Variants in MTMR7 observed in about 807,000 individuals in gnomAD.
MTMR7 encodes myotubularin related protein 7.
A neutral mutation model predicts 81.2 loss-of-function variants in MTMR7; 76 were observed. The ratio of observed to expected loss-of-function variants is 0.94; its 90% confidence interval spans 0.78 to 1.13. The LOEUF is 1.13. MTMR7 is among the 50% of genes most tolerant of loss of function. The pLI, the probability that MTMR7 is intolerant of heterozygous loss-of-function variation, is 0.00. For synonymous variants in MTMR7, 372 were observed against 289.8 expected, an observed-to-expected ratio of 1.28 and a Z score of -2.88; for missense variants, 1,044 against 820.0, an observed-to-expected ratio of 1.27 and a Z score of -3.34.
intron 1 of MTMR7, among the ~76,000 whole-genome samples, chr8:17,385,330 T>A (rs977407490): frequency 6.6e-6 from 1 of 152,082 alleles, no homozygotes; most frequent in African/African-American, 2.4e-5. Flanking sequence ...TCATCTTCAA[T>A]TGTAGCTCTC....
intron 4 of MTMR7, among the ~76,000 whole-genome samples, chr8:17,351,444 G>A (rs1463229042): frequency 6.6e-6 from 1 of 152,174 alleles, no homozygotes; most frequent in Non-Finnish European, 1.5e-5. Flanking sequence ...ACTCTCCTTG[G>A]CCCCAACTCA....
intron 10 of MTMR7, among the ~76,000 whole-genome samples, chr8:17,307,117 A>G (rs1462773602): frequency 6.6e-6 from 1 of 152,206 alleles, no homozygotes; most frequent in Non-Finnish European, 1.5e-5. Context: ...ACAAAATGGG[A>G]GAAAATTTTT....
rs1048424962 is a variant in MTMR7, at chr8:17,413,335, C to T, written c.-43G>A. The T allele has an allele frequency of 1.3e-6, 2 of 1,509,894 alleles. No homozygotes were observed. The highest frequency in any genetic ancestry group is 1.8e-6 in the Non-Finnish European group (2 of 1,128,936). The allele number at this position is 1,509,894 out of a possible 1,614,324, so 93.5% of individuals were successfully genotyped here. ...AGGGTCCCGGGCGGGCGCGGCCTCA[C>T]GCACCTGCGCGCCTCTGCGGCGCGA... On this transcript the variant is annotated 5_prime_UTR_variant, in exon 1 of 14. In the 5' UTR this introduces an upstream ATG that the reference lacks. Transcript: ENST00000180173.
At chr8:17,325,389 G>C (rs1460242125) in intron 7 of MTMR7, among the ~76,000 whole-genome samples, 1 of 152,206 alleles carries the variant, frequency 6.6e-6, no homozygotes, top group Non-Finnish European at 1.5e-5. Flanking sequence ...TGGAAGAACA[G>C]ATCGGGTATC....
intron 10 of MTMR7, 83 bp from the exon 11 acceptor site, chr8:17,306,040 G>A (rs1817432598): frequency 1.7e-5 from 18 of 1,078,014 alleles, no homozygotes; most frequent in South Asian, 9.4e-5. Flanking sequence ...AACCATAAAA[G>A]CAACCCTAGT....
chr8:17,310,449 A>T (rs988401531), intron 9 of MTMR7, among the ~76,000 whole-genome samples: 1 of 152,172 alleles, frequency 6.6e-6, no homozygotes, highest in East Asian at 1.9e-4. Flanking sequence ...TTTGGGTTGT[A>T]AGTTTAATGG....
At chr8:17,307,002 C>A (rs914027700) in intron 10 of MTMR7, among the ~76,000 whole-genome samples, 3 of 152,130 alleles carry the variant, frequency 2.0e-5, no homozygotes, top group Non-Finnish European at 4.4e-5. Context: ...GTCTAAAACA[C>A]CAAAAGCAAT....
intron 9 of MTMR7, among the ~76,000 whole-genome samples, chr8:17,310,094 G>A (rs1309538279): frequency 8.6e-5 from 13 of 152,036 alleles, no homozygotes; most frequent in South Asian, 6.2e-4. Flanking sequence ...TTGACCTCCT[G>A]AGCTCGAGCG....
intron 7 of MTMR7, among the ~76,000 whole-genome samples, chr8:17,328,080 G>A (rs1006676187): frequency 3.3e-5 from 5 of 152,136 alleles, no homozygotes; most frequent in African/African-American, 9.7e-5. Flanking sequence ...TAACAGTCAC[G>A]TGGAAGGTAG....
chr8:17,363,980 T>C (rs1249815668), intron 3 of MTMR7, among the ~76,000 whole-genome samples: 2 of 149,226 alleles, frequency 1.3e-5, no homozygotes, highest in Non-Finnish European at 3.0e-5. Context: ...TATTGATGAA[T>C]TACAGTTTCA....
rs546609449 is a variant in MTMR7 at position 17,343,125 on chromosome 8, G to A, written c.598-1628C>T. Among the ~76,000 whole-genome samples the A allele has an allele frequency of 8.0e-4, 122 of 152,202 alleles. 1 individual carries two copies. Among genetic ancestry groups the A allele is most frequent in the African/African-American group, 2.8e-3 (115 of 41,552 alleles). ...GTTGGCTTTAGATGATACTTTATCC[G>A]GGTTAAAGAAATATTAGTTAGCCCA... On this transcript the variant is annotated intron_variant, in intron 5 of 13. Coordinates refer to ENST00000180173, the MANE Select transcript of MTMR7 (RefSeq NM_004686.5).
rs114419687 is a variant in MTMR7 at position 17,337,061 on chromosome 8, C to T, written c.732+4302G>A. On this transcript the variant is annotated intron_variant, in intron 6 of 13. Coordinates refer to ENST00000180173, the MANE Select transcript of MTMR7 (RefSeq NM_004686.5). Reference sequence around the variant, plus strand: ...AAAACCCTCCTAACTTGCCAGGATTCTTAAAAGAACTAAATGAGAAAGTAC... The same window carrying T: ...AAAACCCTCCTAACTTGCCAGGATTTTTAAAAGAACTAAATGAGAAAGTAC... Among the ~76,000 whole-genome samples, 707 of 152,182 alleles carry T rather than the reference C, an allele frequency of 4.6e-3. 5 individuals are homozygous for T. The highest frequency in any genetic ancestry group is 0.016 in the African/African-American group (662 of 41,514).
chr8:17,347,393 T>A (rs1819589446), intron 5 of MTMR7, among the ~76,000 whole-genome samples: 1 of 152,124 alleles, frequency 6.6e-6, no homozygotes, highest in African/African-American at 2.4e-5. Flanking sequence ...ATATTTTCCT[T>A]CAAAGTAGCA....
At position 17,413,317 on chromosome 8, in the gene MTMR7, C is replaced by G. The variant is rs529881493; in HGVS notation, c.-25G>C. ...TGGCTGGCCCACGTCTGCAGGGTCCCGGGCGGGCGCGGCCTCACGCACCTG... is the reference window on the plus strand; with the variant it reads ...TGGCTGGCCCACGTCTGCAGGGTCCGGGGCGGGCGCGGCCTCACGCACCTG... On this transcript the variant is annotated 5_prime_UTR_variant, in exon 1 of 14. Transcript: ENST00000180173. The G allele has an allele frequency of 5.2e-6, 8 of 1,529,298 alleles. No individual in the cohort carries two copies. In the South Asian group the frequency reaches 7.3e-5, roughly 14 times the overall value. The allele number at this position is 1,529,298 out of a possible 1,614,324, so 94.7% of individuals were successfully genotyped here.
chr8:17,302,245 C>A lies in MTMR7; in HGVS notation c.1529G>T (p.Gly510Val), dbSNP rs763464269. ...TGTAACTGACTGTCGGGGCTGCATC[C>A]CCTTTTCAAAGCGGTTATACATTCC... ...WSGMYNRFEKGMQPRQSVTDY... is the reference protein window; with the variant it reads ...WSGMYNRFEKVMQPRQSVTDY... The change falls in exon 13 of 14, where the codon GGG (glycine) becomes GTG (valine). Residue 510 changes from glycine (G) to valine (V), a missense_variant. Gly to Val is a moderately radical substitution (Grantham distance 109, BLOSUM62 -3). Coordinates refer to ENST00000180173, the MANE Select transcript of MTMR7 (RefSeq NM_004686.5). The A allele has an allele frequency of 2.4e-5, 38 of 1,613,902 alleles. No individual in the cohort carries two copies. The highest frequency in any genetic ancestry group is 6.7e-5 in the Admixed American group (4 of 59,984).
intron 1 of MTMR7, among the ~76,000 whole-genome samples, chr8:17,397,368 C>T (rs896959811): frequency 6.6e-6 from 1 of 152,006 alleles, no homozygotes; most frequent in African/African-American, 2.4e-5. Flanking sequence ...CTCCAAGCCT[C>T]GCAGAATTCA....
intron 5 of MTMR7, among the ~76,000 whole-genome samples, chr8:17,342,090 GA>G (rs1471152769): frequency 2.0e-5 from 3 of 152,056 alleles, no homozygotes; most frequent in Non-Finnish European, 2.9e-5. Context: ...GAACAAGGGG[GA>G]TTTTTTTTTG....
chr8:17,397,821 G>A (rs369376393), intron 1 of MTMR7, among the ~76,000 whole-genome samples: 127 of 152,262 alleles, frequency 8.3e-4, no homozygotes, highest in African/African-American at 2.6e-3. Flanking sequence ...CAGTGGTGGT[G>A]GCCACAGGGG....
chr8:17,334,255 A>G (rs566008931), intron 6 of MTMR7, among the ~76,000 whole-genome samples: 6 of 152,356 alleles, frequency 3.9e-5, no homozygotes, highest in African/African-American at 1.4e-4. Context: ...AGCAGGAGAT[A>G]CGGTTTTACA....
Sources: gnomAD v4.1 joint callset for allele counts (sites outside exome capture counted in the v4.1 genomes callset) on GRCh38, gnomAD v4.1.1 for gene constraint, MANE v1.5 for transcripts, NCBI Gene and HGNC (gene_info 2026-07-23, HGNC 2026-07-21) for gene names.